LTBP2: variants seen among roughly 807,000 people sequenced by gnomAD.
LTBP2 encodes the protein latent-transforming growth factor beta-binding protein 2.
LTBP2 carries 103 observed loss-of-function variants against 210.6 expected under a neutral mutation model. That is an observed-to-expected ratio of 0.49 (90% confidence interval 0.42 to 0.58). The LOEUF is 0.58. Ranked by LOEUF, LTBP2 falls within the 20% of genes least tolerant of loss-of-function variation. The probability of loss-of-function intolerance (pLI) is 0.00; values close to 1 mark genes in which losing one functional copy is unlikely to be tolerated. For missense variants in LTBP2, 2,313 were observed against 2,494.5 expected (o/e 0.93, Z 1.55); for synonymous variants, 1,007 against 1,015.0 (o/e 0.99, Z 0.15).
At chr14:74,604,956 A>T (rs973022598) in intron 1 of LTBP2, among the ~76,000 whole-genome samples, 2 of 152,160 alleles carry the variant, frequency 1.3e-5, no homozygotes, top group African/African-American at 4.8e-5. Flanking sequence ...AAAGACCCAC[A>T]TGCCTAGACC....
At chr14:74,583,334 C>T (rs1031754759) in intron 3 of LTBP2, among the ~76,000 whole-genome samples, 1 of 152,234 alleles carries the variant, frequency 6.6e-6, no homozygotes, top group African/African-American at 2.4e-5. Context: ...CCAGCAACTG[C>T]TTGAGAAACC....
intron 4 of LTBP2, among the ~76,000 whole-genome samples, chr14:74,554,874 T>C (rs1033049309): frequency 6.6e-6 from 1 of 151,708 alleles, no homozygotes; most frequent in African/African-American, 2.4e-5. Flanking sequence ...GGCACAGATG[T>C]AAACAGGGTA....
intron 19 of LTBP2, 76 bp from the exon 20 acceptor site, chr14:74,510,289 C>T (rs1291991357): frequency 4.4e-6 from 7 of 1,595,904 alleles, no homozygotes; most frequent in Non-Finnish European, 6.0e-6. Context: ...CTCCAAGCAT[C>T]TCAGTTATGA....
chr14:74,538,444 AT>A (rs2087450610), intron 8 of LTBP2, among the ~76,000 whole-genome samples: 1 of 152,124 alleles, frequency 6.6e-6, no homozygotes, highest in Non-Finnish European at 1.5e-5. Flanking sequence ...GACTAGTGTC[AT>A]TTTGCATCCA....
At position 74,498,927 on chromosome 14, in the gene LTBP2, T is replaced by C. The variant is rs73296215; in HGVS notation, c.*1957A>G. 0.025 allele frequency: 5,655 copies of C among 225,244 alleles called. 152 individuals carry two copies. Among genetic ancestry groups the C allele is most frequent in the African/African-American group, 0.072 (3,236 of 45,022 alleles). 14.0% of individuals were successfully genotyped at this position (225,244 alleles called of 1,614,324 possible). A position where few individuals can be genotyped will look rare whatever the true frequency, so the allele number is the denominator to read the frequency against. On this transcript the variant is annotated 3_prime_UTR_variant, in exon 36 of 36. Transcript: ENST00000261978. ...ATAGCAATTAATTGTTTCTAATCTT[T>C]AGCTATTACAAATGATGCAGTAATA...
At chr14:74,584,237 A>C (rs2088174671) in intron 3 of LTBP2, among the ~76,000 whole-genome samples, 1 of 152,082 alleles carries the variant, frequency 6.6e-6, no homozygotes, top group Non-Finnish European at 1.5e-5. Flanking sequence ...AAGAATGGGG[A>C]GGAGTCAGAC....
At chr14:74,511,822 A>G (rs1468921086) in intron 18 of LTBP2, among the ~76,000 whole-genome samples, 2 of 152,238 alleles carry the variant, frequency 1.3e-5, no homozygotes, top group Non-Finnish European at 2.9e-5. Flanking sequence ...TCCTTGCACC[A>G]GGAAATGAGG....
rs766331682 is a variant in LTBP2, at chr14:74,611,876, C to T, written c.69G>A (p.Pro23=). Residue 23 remains proline, a synonymous_variant, in exon 1 of 36, where the codon CCG becomes CCA. Transcript: ENST00000261978. The part of the protein sequence containing the change: ...ALRNPWRGFL[P]LTLALFVGAG... ...CGCCCACGAAGAGAGCCAGGGTGAGCGGCAGGAAGCCTCTCCAGGGGTTCC... is the reference window on the plus strand; with the variant it reads ...CGCCCACGAAGAGAGCCAGGGTGAGTGGCAGGAAGCCTCTCCAGGGGTTCC... 3.7e-6 allele frequency: 6 copies of T among 1,608,344 alleles called. No individual in the cohort carries two copies. The Admixed American group carries it at 5.0e-5, about 13-fold the overall frequency.
intron 1 of LTBP2, among the ~76,000 whole-genome samples, chr14:74,607,518 G>A (rs905402320): frequency 6.6e-6 from 1 of 152,114 alleles, no homozygotes; most frequent in Admixed American, 6.5e-5. Flanking sequence ...TTTAGAAAAA[G>A]TAATTCATCT....
Position 74,507,210 on chromosome 14 carries a change from G to T in LTBP2, c.3876C>A (p.Gly1292=). 1 of 1,614,174 alleles carries T rather than the reference G, an allele frequency of 6.2e-7. No individual in the cohort carries two copies. Among genetic ancestry groups the T allele is most frequent in the South Asian group, 1.1e-5 (1 of 91,088 alleles). ...SYRCVLGCQP[G]FHMAPNGDCI... ...AGTCTCCGTTCGGGGCCATGTGGAA[G>T]CCAGGCTGGCAGCCCAGAACACAGC... Residue 1292 remains glycine (G), a synonymous_variant, in exon 26 of 36, where the codon GGC becomes GGA. Coordinates refer to ENST00000261978, the MANE Select transcript of LTBP2 (RefSeq NM_000428.3).
At chr14:74,501,329 G>T in intron 35 of LTBP2, 112 bp downstream of exon 35, 1 of 1,500,628 alleles carries the variant, frequency 6.7e-7, no homozygotes, top group South Asian at 1.1e-5. Flanking sequence ...CTTCCAGCCT[G>T]ATGCAGACAG....
At chr14:74,560,567 C>G (rs539050208) in intron 3 of LTBP2, among the ~76,000 whole-genome samples, 11 of 152,224 alleles carry the variant, frequency 7.2e-5, no homozygotes, top group Non-Finnish European at 1.6e-4. Flanking sequence ...GATGGGAAGA[C>G]AAGTGGGCGA....
At chr14:74,508,789 T>G in intron 23 of LTBP2, 41 bp downstream of exon 23, 1 of 1,613,560 alleles carries the variant, frequency 6.2e-7, no homozygotes, top group Non-Finnish European at 8.5e-7. Context: ...CCCCACACAC[T>G]CATGCCCCCC....
chr14:74,543,923 G>A (rs1410396256), intron 8 of LTBP2, among the ~76,000 whole-genome samples: 1 of 152,202 alleles, frequency 6.6e-6, no homozygotes, highest in East Asian at 1.9e-4. Context: ...TCGAAAAAGA[G>A]TCTGGTCAGA....
chr14:74,509,463 T>TGG, intron 21 of LTBP2, 100 bp from the exon 22 acceptor site: 1 of 1,558,540 alleles, frequency 6.4e-7, no homozygotes. Context: ...CCCCTGGGGC[T>TGG]TTCCTAAAAC....
intron 2 of LTBP2, among the ~76,000 whole-genome samples, chr14:74,602,456 T>G (rs965746025): frequency 4.6e-5 from 7 of 152,060 alleles, no homozygotes; most frequent in Non-Finnish European, 1.0e-4. Context: ...GGCCCAGAAA[T>G]GAAGGTAAGA....
Position 74,501,013 on chromosome 14 carries a change from A to T in LTBP2, c.5337T>A (p.Asp1779Glu), listed in dbSNP as rs150530086. The T allele has an allele frequency of 3.8e-5, 61 of 1,613,780 alleles. No individual in the cohort carries two copies. The African/African-American group carries it at 7.5e-4, about 20-fold the overall frequency. ...AGAGCACAGCAGGCCCGTTCAAGTC[A>T]TCACACTCATTCACATCTAAGAGGA... is the stretch of plus-strand genomic sequence containing the variant. ...HMACVDVNEC[D>E]DLNGPAVLCV... Residue 1779 changes from aspartate (D) to glutamate (E), a missense_variant, in exon 36 of 36, where the codon GAT becomes GAA. Asp to Glu is a conservative substitution (Grantham distance 45). Coordinates refer to ENST00000261978, the MANE Select transcript of LTBP2 (RefSeq NM_000428.3).
At chr14:74,550,110 A>C (rs1412576069) in intron 7 of LTBP2, 145 bp from the exon 8 acceptor site, 1 of 675,392 alleles carries the variant, frequency 1.5e-6, no homozygotes, top group African/African-American at 1.8e-5. Flanking sequence ...GGGAGAAGGG[A>C]GTCAGCCCAT....
Position 74,611,549 on chromosome 14 carries a change from T to C in LTBP2, c.396A>G (p.Pro132=). The C allele has an allele frequency of 6.4e-7, 1 of 1,571,744 alleles. No homozygotes were observed. The highest frequency in any genetic ancestry group is 8.6e-7 in the Non-Finnish European group (1 of 1,165,998). ...RRSTPLGQQQ[P]APRTRAAPAL... Reference sequence around the variant, plus strand: ...CCGGCGCGGCCCGGGTCCGGGGTGCTGGTTGCTGCTGGCCCAGGGGAGTGC... The same window carrying C: ...CCGGCGCGGCCCGGGTCCGGGGTGCCGGTTGCTGCTGGCCCAGGGGAGTGC... The change falls in exon 1 of 36, where the codon CCA becomes CCG. Residue 132 remains proline (P), a synonymous_variant. Coordinates refer to ENST00000261978, the MANE Select transcript of LTBP2 (RefSeq NM_000428.3).
Sources: gnomAD v4.1 joint callset for allele counts (sites outside exome capture counted in the v4.1 genomes callset) on GRCh38, gnomAD v4.1.1 for gene constraint, MANE v1.5 for transcripts, NCBI Gene and HGNC (gene_info 2026-07-23, HGNC 2026-07-21) for gene names.